Variants in ZNF804B observed in about 807,000 individuals in gnomAD.
ZNF804B encodes the protein zinc finger protein 804B.
ZNF804B carries 80 observed loss-of-function variants against 101.4 expected under a neutral mutation model. The ratio of observed to expected loss-of-function variants is 0.79; its 90% CI spans 0.66 to 0.95. ZNF804B has a LOEUF of 0.95. Ranked by LOEUF, ZNF804B falls within the 40% of genes least tolerant of loss-of-function variation. ZNF804B has a pLI of 0.00. For missense variants in ZNF804B, 1,673 were observed against 1,561.9 expected (o/e 1.07, Z -1.20); for synonymous variants, 622 against 558.8 (o/e 1.11, Z -1.59).
intron 2 of ZNF804B, among the ~76,000 whole-genome samples, chr7:89,318,588 C>A (rs38955): frequency 1.3e-5 from 2 of 152,068 alleles, no homozygotes; most frequent in African/African-American, 4.8e-5. Context: ...CATGGCGAAA[C>A]CCTGTGTCTA....
At position 88,815,496 on chromosome 7, in the gene ZNF804B, T is replaced by G. The variant is rs559150638; in HGVS notation, c.108+55412T>G. Among the ~76,000 whole-genome samples the G allele has an allele frequency of 1.4e-3, 217 of 150,776 alleles. 1 individual carries two copies. The highest frequency in any genetic ancestry group is 2.3e-3 in the Non-Finnish European group (155 of 67,712). On this transcript the variant is annotated intron_variant, in intron 1 of 3. Coordinates refer to ENST00000333190, the MANE Select transcript of ZNF804B (RefSeq NM_181646.5). ...TAGAATATATTATATATATTATTAT[T>G]ATGATATATAATGTCCCTTGTATGT... is the stretch of plus-strand genomic sequence containing the variant.
chr7:88,909,714 T>C (rs1792520913), intron 1 of ZNF804B, among the ~76,000 whole-genome samples: 1 of 151,752 alleles, frequency 6.6e-6, no homozygotes, highest in African/African-American at 2.4e-5. Flanking sequence ...TTGATTGATA[T>C]TTGTTATGCA....
At chr7:88,859,954 C>T (rs1173594050) in intron 1 of ZNF804B, among the ~76,000 whole-genome samples, 2 of 151,610 alleles carry the variant, frequency 1.3e-5, no homozygotes, top group Non-Finnish European at 2.9e-5. Context: ...GTAAATTTCT[C>T]TATTGAGAAA....
At chr7:89,150,151 A>G (rs1790851530) in intron 1 of ZNF804B, among the ~76,000 whole-genome samples, 1 of 151,918 alleles carries the variant, frequency 6.6e-6, no homozygotes, top group African/African-American at 2.4e-5. Context: ...TCATTCTGTT[A>G]CCTGGCCTAT....
At chr7:89,032,060 A>G (rs1788845341) in intron 1 of ZNF804B, among the ~76,000 whole-genome samples, 1 of 152,150 alleles carries the variant, frequency 6.6e-6, no homozygotes, top group African/African-American at 2.4e-5. Context: ...TGGAGAATAA[A>G]TGATATATCA....
chr7:88,901,905 A>G (rs1313190232), intron 1 of ZNF804B, among the ~76,000 whole-genome samples: 3 of 151,898 alleles, frequency 2.0e-5, no homozygotes, highest in Non-Finnish European at 2.9e-5. Flanking sequence ...GTATGATACT[A>G]AAACCTAAAA....
intron 1 of ZNF804B, among the ~76,000 whole-genome samples, chr7:88,766,183 AC>A (rs1239781634): frequency 6.6e-6 from 1 of 152,032 alleles, no homozygotes. Flanking sequence ...AGTGGCTCAT[AC>A]CTATAGTCGT....
intron 1 of ZNF804B, among the ~76,000 whole-genome samples, chr7:88,903,394 G>A (rs1204234298): frequency 6.6e-6 from 1 of 152,146 alleles, no homozygotes; most frequent in African/African-American, 2.4e-5. Flanking sequence ...TTGTGATTGT[G>A]AATAGAACTG....
intron 1 of ZNF804B, among the ~76,000 whole-genome samples, chr7:88,907,028 G>T (rs1392241682): frequency 6.6e-6 from 1 of 151,850 alleles, no homozygotes; most frequent in Non-Finnish European, 1.5e-5. Context: ...CTTACAGTCT[G>T]TTTTATCTGA....
At chr7:89,300,608 C>A (rs1437286060) in intron 2 of ZNF804B, among the ~76,000 whole-genome samples, 1 of 151,674 alleles carries the variant, frequency 6.6e-6, no homozygotes, top group Admixed American at 6.6e-5. Flanking sequence ...ATATTTGAGT[C>A]ATAGAAAAAA....
intron 1 of ZNF804B, among the ~76,000 whole-genome samples, chr7:88,789,599 C>T (rs1365671906): frequency 6.6e-6 from 1 of 152,076 alleles, no homozygotes; most frequent in African/African-American, 2.4e-5. Context: ...ACTGTTTTTA[C>T]TACATACATC....
At chr7:88,811,319 A>G (rs959579232) in intron 1 of ZNF804B, among the ~76,000 whole-genome samples, 1 of 152,228 alleles carries the variant, frequency 6.6e-6, no homozygotes, top group Non-Finnish European at 1.5e-5. Context: ...ATTTCACACC[A>G]GTCAGAATGA....
At chr7:88,851,630 G>T (rs1040309040) in intron 1 of ZNF804B, among the ~76,000 whole-genome samples, 2 of 151,958 alleles carry the variant, frequency 1.3e-5, no homozygotes, top group South Asian at 2.1e-4. Flanking sequence ...AATGTTGAAG[G>T]AATTCTTAAG....
At chr7:89,176,258 G>A (rs1308049841) in intron 1 of ZNF804B, among the ~76,000 whole-genome samples, 2 of 151,900 alleles carry the variant, frequency 1.3e-5, no homozygotes, top group African/African-American at 2.4e-5. Context: ...GTAGAGGTAT[G>A]TTCATTCCAT....
chr7:88,797,009 T>C (rs1323200303), intron 1 of ZNF804B, among the ~76,000 whole-genome samples: 1 of 152,130 alleles, frequency 6.6e-6, no homozygotes, highest in Non-Finnish European at 1.5e-5. Context: ...TTCACAACTC[T>C]TCTCTCCTTG....
chr7:88,845,398 T>C (rs1791359337), intron 1 of ZNF804B, among the ~76,000 whole-genome samples: 1 of 151,870 alleles, frequency 6.6e-6, no homozygotes, highest in Non-Finnish European at 1.5e-5. Flanking sequence ...AGCCTGAGAA[T>C]CACCTAGATG....
chr7:88,968,353 ATCTTTT>A (rs1793486782), intron 1 of ZNF804B, among the ~76,000 whole-genome samples: 1 of 151,594 alleles, frequency 6.6e-6, no homozygotes, highest in South Asian at 2.1e-4. Context: ...CTGATTCATC[ATCTTTT>A]TCTGATTGTA....
At chr7:89,297,081 A>G (rs988116699) in intron 2 of ZNF804B, among the ~76,000 whole-genome samples, 11 of 152,062 alleles carry the variant, frequency 7.2e-5, no homozygotes, top group Admixed American at 6.6e-4. Flanking sequence ...CATGAATACT[A>G]AATCATATAA....
At chr7:88,960,895 A>G (rs1308090263) in intron 1 of ZNF804B, among the ~76,000 whole-genome samples, 1 of 151,446 alleles carries the variant, frequency 6.6e-6, no homozygotes, top group African/African-American at 2.4e-5. Flanking sequence ...TTTTCTGTTT[A>G]AACAGAAACA....
Sources: gnomAD v4.1 joint callset for allele counts (sites outside exome capture counted in the v4.1 genomes callset) on GRCh38, gnomAD v4.1.1 for gene constraint, MANE v1.5 for transcripts, NCBI Gene and HGNC (gene_info 2026-07-23, HGNC 2026-07-21) for gene names.